The following COL23A1 variants were observed in gnomAD, a reference collection of about 807,000 sequenced individuals.
The protein encoded by COL23A1 is collagen type XXIII alpha 1 chain.
Under a neutral mutation model 99.3 loss-of-function variants are expected in COL23A1, and 97 were observed. That is an observed-to-expected ratio of 0.98 (90% confidence interval 0.83 to 1.16). The LOEUF (loss-of-function observed/expected upper bound fraction) is 1.16. COL23A1 is among the 50% of genes most tolerant of loss of function. The pLI is 0.00. For synonymous variants in COL23A1, 320 were observed against 308.2 expected (o/e 1.04, Z -0.40); for missense variants, 762 against 757.4 (o/e 1.01, Z -0.07).
rs1370107482 is a variant in COL23A1, at chr5:178,544,215, C to T, written c.361+16467G>A. Reference sequence around the variant, plus strand: ...CACAGTCCCCTCCCATGCAACCCTTCCTTCCCCTTCCCACCCCACCACCTC... The same window carrying T: ...CACAGTCCCCTCCCATGCAACCCTTTCTTCCCCTTCCCACCCCACCACCTC... On this transcript the variant is annotated intron_variant, in intron 2 of 28. Coordinates refer to ENST00000390654, the MANE Select transcript of COL23A1 (RefSeq NM_173465.4). The surrounding 1 kb of genome is among the most constrained non-coding windows in gnomAD (Gnocchi z 4.4). 1.3e-5 allele frequency among the ~76,000 whole-genome samples: 2 copies of T among 152,104 alleles called. No individual in the cohort carries two copies. Among genetic ancestry groups the T allele is most frequent in the Non-Finnish European group, 2.9e-5 (2 of 68,022 alleles).
At chr5:178,324,488 G>A (rs1037195456) in intron 2 of COL23A1, among the ~76,000 whole-genome samples, 6 of 152,098 alleles carry the variant, frequency 3.9e-5, no homozygotes, top group African/African-American at 7.2e-5. Flanking sequence ...CAATGACCAC[G>A]ACCGCTGCTG....
chr5:178,396,789 G>A (rs1195291844), intron 2 of COL23A1, among the ~76,000 whole-genome samples: 4 of 132,304 alleles, frequency 3.0e-5, no homozygotes, highest in African/African-American at 1.1e-4. Context: ...CTGGGCATTC[G>A]GCTCTCAGCT....
chr5:178,250,455 C>T (rs1156275389), intron 17 of COL23A1, among the ~76,000 whole-genome samples: 7 of 152,202 alleles, frequency 4.6e-5, no homozygotes, highest in African/African-American at 1.4e-4. Context: ...AGGATGCAAA[C>T]GAATGGTGCA....
At chr5:178,372,235 G>A (rs2127723333) in intron 2 of COL23A1, among the ~76,000 whole-genome samples, 1 of 152,356 alleles carries the variant, frequency 6.6e-6, no homozygotes, top group Non-Finnish European at 1.5e-5. Flanking sequence ...TCGAGAGAGT[G>A]TTGCCCAGGA....
intron 28 of COL23A1, 22 bp downstream of exon 28, chr5:178,239,119 T>G: frequency 1.2e-6 from 2 of 1,606,002 alleles, no homozygotes; most frequent in Non-Finnish European, 1.7e-6. Context: ...AAGCCTGCCC[T>G]GGAGACTTCC....
chr5:178,456,317 T>A (rs961412840), intron 2 of COL23A1, among the ~76,000 whole-genome samples: 1 of 152,120 alleles, frequency 6.6e-6, no homozygotes, highest in Non-Finnish European at 1.5e-5. Context: ...AAAAAATAAA[T>A]GAAGCTTTAT....
At position 178,384,219 on chromosome 5, in the gene COL23A1, G is replaced by A. The variant is rs904870775; in HGVS notation, c.362-77300C>T. 1.3e-5 allele frequency among the ~76,000 whole-genome samples: 2 copies of A among 152,176 alleles called. No individual in the cohort carries two copies. The highest frequency in any genetic ancestry group is 4.8e-5 in the African/African-American group (2 of 41,464). On this transcript the variant is annotated intron_variant, in intron 2 of 28. Transcript: ENST00000390654. The surrounding 1 kb of genome is among the most constrained non-coding windows in gnomAD (Gnocchi z 5.5). ...CAACGAGAGCAGCGTGGAGCCAGAC[G>A]CTGCTGCGAGCTGAGCTGCGATCGC...
At chr5:178,481,885 G>A (rs188946128) in intron 2 of COL23A1, among the ~76,000 whole-genome samples, 2 of 118,668 alleles carry the variant, frequency 1.7e-5, no homozygotes, top group African/African-American at 6.8e-5. Context: ...GGTCGGGGGA[G>A]GGGGGAGGGA....
At chr5:178,484,997 T>C (rs1757539158) in intron 2 of COL23A1, among the ~76,000 whole-genome samples, 1 of 152,100 alleles carries the variant, frequency 6.6e-6, no homozygotes, top group Non-Finnish European at 1.5e-5. Context: ...TAAATGTGGG[T>C]TGAACAGACA....
chr5:178,318,625 G>C (rs2127622359), intron 2 of COL23A1, among the ~76,000 whole-genome samples: 1 of 152,342 alleles, frequency 6.6e-6, no homozygotes, highest in East Asian at 1.9e-4. Context: ...CTTTCGGCCG[G>C]GCGCGGTGGC....
intron 2 of COL23A1, among the ~76,000 whole-genome samples, chr5:178,482,717 C>A (rs1287934476): frequency 6.6e-6 from 1 of 151,738 alleles, no homozygotes; most frequent in African/African-American, 2.4e-5. Flanking sequence ...CATGGTGAAA[C>A]CCCGTTGCTA....
chr5:178,557,674 G>A (rs1762350239), intron 2 of COL23A1, among the ~76,000 whole-genome samples: 2 of 152,288 alleles, frequency 1.3e-5, no homozygotes, highest in East Asian at 1.9e-4. Context: ...CAGACAGGGA[G>A]CCCCACTGCA....
intron 2 of COL23A1, among the ~76,000 whole-genome samples, chr5:178,550,271 G>C (rs1385829912): frequency 1.3e-5 from 2 of 152,170 alleles, no homozygotes; most frequent in African/African-American, 4.8e-5. Flanking sequence ...AAATGTTCAA[G>C]GAAATGTTTT....
chr5:178,436,966 G>T (rs905883655), intron 2 of COL23A1, among the ~76,000 whole-genome samples: 45 of 152,146 alleles, frequency 3.0e-4, no homozygotes, highest in South Asian at 2.1e-4. Flanking sequence ...CTCATCTCTC[G>T]AATTGCTTGT....
intron 2 of COL23A1, among the ~76,000 whole-genome samples, chr5:178,465,576 G>A (rs564577522): frequency 6.6e-5 from 10 of 152,302 alleles, no homozygotes; most frequent in Admixed American, 6.5e-4. Flanking sequence ...GCAAGACTGG[G>A]CCACTTTCAG....
chr5:178,379,403 G>C (rs891088744), intron 2 of COL23A1, among the ~76,000 whole-genome samples: 1 of 152,178 alleles, frequency 6.6e-6, no homozygotes, highest in African/African-American at 2.4e-5. Context: ...AGAGAAAGAG[G>C]CCTGGATGGA....
intron 2 of COL23A1, among the ~76,000 whole-genome samples, chr5:178,371,018 A>C (rs191793821): frequency 6.6e-6 from 1 of 152,322 alleles, no homozygotes; most frequent in African/African-American, 2.4e-5. Flanking sequence ...ATTGCTAAGA[A>C]TAGATCTTAA....
chr5:178,410,787 C>T (rs1765017007), intron 2 of COL23A1, among the ~76,000 whole-genome samples: 1 of 152,156 alleles, frequency 6.6e-6, no homozygotes, highest in Admixed American at 6.5e-5. Context: ...ACAATTTCAT[C>T]AAAACTTTTG....
intron 2 of COL23A1, among the ~76,000 whole-genome samples, chr5:178,333,518 C>T (rs1760154176): frequency 6.6e-6 from 1 of 152,212 alleles, no homozygotes; most frequent in Non-Finnish European, 1.5e-5. Flanking sequence ...GTCCTCACTC[C>T]TCTGCCTGGC....
Sources: gnomAD v4.1 joint callset for allele counts (sites outside exome capture counted in the v4.1 genomes callset) on GRCh38, gnomAD v4.1.1 for gene constraint, Gnocchi (gnomAD v3.1) non-coding constraint, MANE v1.5 for transcripts, NCBI Gene and HGNC (gene_info 2026-07-23, HGNC 2026-07-21) for gene names.